The following ZC3H15 variants were observed in gnomAD, a reference collection of about 807,000 sequenced individuals.
ZC3H15 encodes the protein zinc finger CCCH-type containing 15, also known as zinc finger CCCH domain-containing protein 15.
ZC3H15 carries 15 observed loss-of-function variants against 51.2 expected under a neutral mutation model. The ratio of observed to expected loss-of-function variants is 0.29; its 90% CI spans 0.20 to 0.45. The LOEUF (loss-of-function observed/expected upper bound fraction) is 0.45. Among genes scored for constraint, ZC3H15 ranks in the 20% least tolerant of loss-of-function variants. The pLI, the probability that ZC3H15 is intolerant of heterozygous loss-of-function variation, is 1.00. For synonymous variants in ZC3H15, 144 were observed against 162.8 expected, an observed-to-expected ratio of 0.88 and a Z score of 0.88; for missense variants, 381 against 494.7, an observed-to-expected ratio of 0.77 and a Z score of 2.18.
chr2:186,506,971 G>A, intron 9 of ZC3H15, 135 bp downstream of exon 9: 2 of 1,003,540 alleles, frequency 2.0e-6, no homozygotes, highest in Non-Finnish European at 2.8e-6. Flanking sequence ...ATAAATAAAA[G>A]CAGTAATAAA....
chr2:186,503,911 G>A, intron 5 of ZC3H15, 121 bp from the exon 6 acceptor site: 1 of 734,484 alleles, frequency 1.4e-6, no homozygotes, highest in South Asian at 3.7e-5. Flanking sequence ...GTGCAGAAAT[G>A]AATAGAATGT....
At chr2:186,507,252 C>A in intron 9 of ZC3H15, 2 of 364,648 alleles carry the variant, frequency 5.5e-6, no homozygotes, top group Non-Finnish European at 1.1e-5. Context: ...AACAAGTTTC[C>A]AAAGAAGCAA....
intron 8 of ZC3H15, among the ~76,000 whole-genome samples, chr2:186,506,405 C>G (rs1685468354): frequency 6.6e-6 from 1 of 152,150 alleles, no homozygotes; most frequent in Non-Finnish European, 1.5e-5. Context: ...CATATACCAC[C>G]TTGCTATTCT....
At position 186,487,008 on chromosome 2, in the gene ZC3H15, GT is replaced by G. The variant is rs1685107337; in HGVS notation, c.75+552del. ...GAAGGACTTTCCGTCACAACCCAGG[GT>G]CTTGAACGCAGAGCTTGGTACTTAC... On this transcript the variant is annotated intron_variant, in intron 1 of 9. Transcript: ENST00000337859. 3 of 152,518 alleles carry G rather than the reference GT, an allele frequency of 2.0e-5. No homozygotes were observed. In the South Asian group the frequency reaches 6.2e-4, roughly 32 times the overall value. The allele number at this position is 152,518 out of a possible 1,614,324, so 9.4% of individuals were successfully genotyped here.
chr2:186,506,590 C>T (rs569013079), intron 8 of ZC3H15, 123 bp from the exon 9 acceptor site: 6 of 1,098,580 alleles, frequency 5.5e-6, no homozygotes, highest in African/African-American at 3.2e-5. Flanking sequence ...CCACACCTGG[C>T]CAGTAATTGG....
At position 186,487,448 on chromosome 2, in the gene ZC3H15, A is replaced by T. The variant is rs3768774; in HGVS notation, c.75+991A>T. Reference sequence around the variant, plus strand: ...TTGGATATAATTAGAAAAAGCCATGACCATTTTACCGCATAAGGTGTAAAG... The same window carrying T: ...TTGGATATAATTAGAAAAAGCCATGTCCATTTTACCGCATAAGGTGTAAAG... On this transcript the variant is annotated intron_variant, in intron 1 of 9. Transcript: ENST00000337859. 3.4e-4 allele frequency: 52 copies of T among 152,350 alleles called. 1 individual carries two copies. In the East Asian group the frequency reaches 8.7e-3, roughly 25 times the overall value. 9.4% of individuals were successfully genotyped at this position (152,350 alleles called of 1,614,324 possible). A position where few individuals can be genotyped will look rare whatever the true frequency, so the allele number is the denominator to read the frequency against.
chr2:186,493,827 GT>G (rs749175935), intron 1 of ZC3H15, among the ~76,000 whole-genome samples: 1 of 149,936 alleles, frequency 6.7e-6, no homozygotes, highest in Admixed American at 6.7e-5. Context: ...TTGTGCCTGT[GT>G]GGTCCTTATT....
intron 5 of ZC3H15, among the ~76,000 whole-genome samples, chr2:186,502,825 A>G (rs1685408286): frequency 6.6e-6 from 1 of 152,168 alleles, no homozygotes; most frequent in Non-Finnish European, 1.5e-5. Flanking sequence ...TTTAAATGCC[A>G]TTTTCTGAGG....
At chr2:186,493,588 C>T (rs1685233119) in intron 1 of ZC3H15, among the ~76,000 whole-genome samples, 1 of 152,112 alleles carries the variant, frequency 6.6e-6, no homozygotes, top group South Asian at 2.1e-4. Flanking sequence ...CTTAGAACTG[C>T]TGTAACATGA....
At chr2:186,497,062 CTT>C in intron 2 of ZC3H15, 1 of 357,384 alleles carries the variant, frequency 2.8e-6, no homozygotes, top group Non-Finnish European at 5.3e-6. Flanking sequence ...AATGTAGCCC[CTT>C]TTTTTTTCAG....
At chr2:186,507,437 A>C (rs1212497324) in intron 9 of ZC3H15, 1 of 456,658 alleles carries the variant, frequency 2.2e-6, no homozygotes, top group Non-Finnish European at 4.4e-6. Context: ...GGATATGGAA[A>C]ACCTAAATGT....
chr2:186,502,684 T>G (rs1022414704), intron 5 of ZC3H15, 97 bp downstream of exon 5: 2 of 990,770 alleles, frequency 2.0e-6, no homozygotes, highest in Non-Finnish European at 2.9e-6. Flanking sequence ...GATTATTCTG[T>G]AAGTTACTGG....
chr2:186,500,390 G>GTCTCA, intron 3 of ZC3H15, 97 bp downstream of exon 3: 1 of 1,032,874 alleles, frequency 9.7e-7, no homozygotes, highest in Non-Finnish European at 1.4e-6. Flanking sequence ...TAATGAGACA[G>GTCTCA]TTATGTCTGA....
chr2:186,499,527 A>G, intron 2 of ZC3H15: 3 of 452,906 alleles, frequency 6.6e-6, no homozygotes, highest in South Asian at 1.6e-5. Flanking sequence ...ACTATGTTAC[A>G]GTTGTTGACA....
chr2:186,504,178 A>G lies in ZC3H15; in HGVS notation c.681A>G (p.Glu227=). The G allele has an allele frequency of 6.2e-7, 1 of 1,603,034 alleles. No individual in the cohort carries two copies. Among genetic ancestry groups the G allele is most frequent in the Non-Finnish European group, 8.5e-7 (1 of 1,174,366 alleles). Residue 227 remains glutamate (E), a synonymous_variant, in exon 6 of 10, where the codon GAA becomes GAG. Coordinates refer to ENST00000337859, the MANE Select transcript of ZC3H15 (RefSeq NM_018471.3). ...AAGATAAAAAGAAAGAAGAGAAAGAAGATGAAATTTCATTAGAAGATCTAA... is the reference window on the plus strand; with the variant it reads ...AAGATAAAAAGAAAGAAGAGAAAGAGGATGAAATTTCATTAGAAGATCTAA... The part of the protein sequence containing the change: ...LKKDKKKEEK[E]DEISLEDLIE...
chr2:186,506,618 G>C, intron 8 of ZC3H15, 95 bp from the exon 9 acceptor site: 2 of 1,375,188 alleles, frequency 1.5e-6, no homozygotes. Context: ...TTTTCACTTG[G>C]ATCAGTGATA....
Position 186,486,454 on chromosome 2 carries a change from C to A in ZC3H15, c.72C>A (p.Ile24=). The A allele has an allele frequency of 1.9e-6, 3 of 1,564,842 alleles. No homozygotes were observed. Among genetic ancestry groups the A allele is most frequent in the Admixed American group, 1.9e-5 (1 of 53,702 alleles). The change falls in exon 1 of 10, where the codon ATC becomes ATA. Residue 24 remains isoleucine (I), a synonymous_variant. Coordinates refer to ENST00000337859, the MANE Select transcript of ZC3H15 (RefSeq NM_018471.3). ...AGCAAAAAAAGAAGGAGAAGATTAT[C>A]GAAGTGAGTACCCACCCCTCCCCCA... The part of the protein sequence containing the change: ...KAEQKKKEKI[I]EDKTFGLKNK...
At chr2:186,506,674 C>T (rs1160819607) in intron 8 of ZC3H15, 39 bp from the exon 9 acceptor site, 1 of 1,575,262 alleles carries the variant, frequency 6.3e-7, no homozygotes, top group Admixed American at 1.9e-5. Flanking sequence ...GAAAACTGTT[C>T]TTATTTGTAA....
chr2:186,489,902 T>C lies in ZC3H15; in HGVS notation c.75+3445T>C, dbSNP rs569219476. On this transcript the variant is annotated intron_variant, in intron 1 of 9. Transcript: ENST00000337859. ...ATTCTCATCTGCAAAATGCAGCTAG[T>C]TCCCGTGAGTTAAATGAGATAATAC... Among the ~76,000 whole-genome samples, 3 of 152,348 alleles carry C rather than the reference T, an allele frequency of 2.0e-5. No individual in the cohort carries two copies. In the East Asian group the frequency reaches 5.8e-4, roughly 29 times the overall value.
Sources: allele counts gnomAD v4.1 joint callset (sites outside exome capture counted in the v4.1 genomes callset), GRCh38; gene constraint gnomAD v4.1.1; transcripts MANE v1.5; gene names NCBI Gene and HGNC (gene_info 2026-07-23, HGNC 2026-07-21).